Variants in ASIC2 observed in about 807,000 individuals in gnomAD.
ASIC2 encodes the protein acid-sensing ion channel 2.
Under a neutral mutation model 57.3 loss-of-function variants are expected in ASIC2, and 25 were observed. That is an observed-to-expected ratio of 0.44 (90% CI 0.32 to 0.61). The LOEUF is 0.61. ASIC2 is among the 20% of genes least tolerant of loss of function. The pLI, the probability that ASIC2 is intolerant of heterozygous loss-of-function variation, is 0.06. For synonymous variants in ASIC2, 319 were observed against 307.5 expected (o/e 1.04, Z -0.39); for missense variants, 641 against 738.1 (o/e 0.87, Z 1.52).
At chr17:33,579,397 TCTG>T (rs924852534) in intron 1 of ASIC2, among the ~76,000 whole-genome samples, 22 of 151,990 alleles carry the variant, frequency 1.4e-4, no homozygotes, top group African/African-American at 5.3e-4. Flanking sequence ...GCCTCATTAT[TCTG>T]GAGGGGAAGG....
chr17:33,925,649 C>T (rs1244898312), intron 1 of ASIC2, among the ~76,000 whole-genome samples: 4 of 152,238 alleles, frequency 2.6e-5, no homozygotes, highest in African/African-American at 9.7e-5. Flanking sequence ...ACCACGTTCC[C>T]CTCATGGCTG....
chr17:33,648,976 A>G (rs1353553166), intron 1 of ASIC2, among the ~76,000 whole-genome samples: 1 of 152,210 alleles, frequency 6.6e-6, no homozygotes, highest in Non-Finnish European at 1.5e-5. Context: ...ATGCTGAAAG[A>G]CCGAATACCT....
chr17:33,564,973 C>CTA (rs1429905369), intron 1 of ASIC2, among the ~76,000 whole-genome samples: 1 of 152,186 alleles, frequency 6.6e-6, no homozygotes, highest in Non-Finnish European at 1.5e-5. Context: ...AATTTAACAT[C>CTA]TATAGAAACA....
At chr17:34,131,764 G>A (rs927810871) in intron 1 of ASIC2, among the ~76,000 whole-genome samples, 4 of 152,212 alleles carry the variant, frequency 2.6e-5, no homozygotes, top group South Asian at 2.1e-4. Context: ...AGGGTCTGCT[G>A]GGCAGGGGCC....
intron 1 of ASIC2, among the ~76,000 whole-genome samples, chr17:34,146,280 G>T (rs1056671907): frequency 2.0e-5 from 3 of 152,190 alleles, no homozygotes; most frequent in Non-Finnish European, 4.4e-5. Flanking sequence ...TTTGAAAAAG[G>T]TATTTTTTTC....
intron 1 of ASIC2, among the ~76,000 whole-genome samples, chr17:33,758,786 G>A (rs568773120): frequency 2.0e-5 from 3 of 152,132 alleles, no homozygotes; most frequent in African/African-American, 4.8e-5. Flanking sequence ...ACAAGAAGAA[G>A]GCTCCCACCA....
chr17:33,803,186 ACATCTCTGACCACTAT>A (rs1912178374), intron 1 of ASIC2, among the ~76,000 whole-genome samples: 1 of 152,246 alleles, frequency 6.6e-6, no homozygotes, highest in African/African-American at 2.4e-5. Context: ...CAAGCACTCT[ACATCTCTGACCACTAT>A]TGTTAGGTGA....
chr17:34,020,582 T>C (rs994502368), intron 1 of ASIC2, among the ~76,000 whole-genome samples: 7 of 152,174 alleles, frequency 4.6e-5, no homozygotes, highest in Non-Finnish European at 8.8e-5. Flanking sequence ...AGGAACTCAA[T>C]GTACTGTTGT....
chr17:33,229,197 G>A (rs1907997478), intron 1 of ASIC2, among the ~76,000 whole-genome samples: 1 of 152,134 alleles, frequency 6.6e-6, no homozygotes, highest in African/African-American at 2.4e-5. Flanking sequence ...AGATGGAGGA[G>A]GGGATAGGAA....
intron 1 of ASIC2, among the ~76,000 whole-genome samples, chr17:33,471,042 C>T (rs1313272948): frequency 6.6e-6 from 1 of 152,196 alleles, no homozygotes; most frequent in Non-Finnish European, 1.5e-5. Flanking sequence ...ACGGTTTGGT[C>T]ACACCAGGCC....
rs148012126 is a variant in ASIC2 at position 33,581,126 on chromosome 17, G to A, written c.556-469059C>T. ...AAGATTAGCCTGGATTATCTGGGTG[G>A]GCTCAATGTAATCCCATGTGTTCTT... On this transcript the variant is annotated intron_variant, in intron 1 of 9. Coordinates refer to the ASIC2 transcript ENST00000359872. 1.3e-4 allele frequency: 20 copies of A among 152,306 alleles called. No individual in the cohort carries two copies. In the East Asian group the frequency reaches 3.9e-3, roughly 29 times the overall value. The allele number at this position is 152,306 out of a possible 1,614,324, so 9.4% of individuals were successfully genotyped here.
At chr17:33,365,672 T>C (rs1908780810) in intron 1 of ASIC2, among the ~76,000 whole-genome samples, 1 of 152,114 alleles carries the variant, frequency 6.6e-6, no homozygotes, top group South Asian at 2.1e-4. Context: ...TGTCACTTCT[T>C]CTTCCTGGCC....
Position 33,497,917 on chromosome 17 carries a change from C to T in ASIC2, c.556-385850G>A, listed in dbSNP as rs144764961. Reference sequence around the variant, plus strand: ...CCCCACAAGCTCTGAATTAAAGGAACGTGGTAAGTGATCCTACTGGAATAA... The same window carrying T: ...CCCCACAAGCTCTGAATTAAAGGAATGTGGTAAGTGATCCTACTGGAATAA... On this transcript the variant is annotated intron_variant, in intron 1 of 9. Coordinates refer to the ASIC2 transcript ENST00000359872. Among the ~76,000 whole-genome samples the T allele has an allele frequency of 4.0e-4, 61 of 152,254 alleles. No individual in the cohort carries two copies. The South Asian group carries it at 8.9e-3, about 22-fold the overall frequency.
At chr17:34,101,470 C>A (rs1910862555) in intron 1 of ASIC2, among the ~76,000 whole-genome samples, 1 of 152,206 alleles carries the variant, frequency 6.6e-6, no homozygotes, top group Non-Finnish European at 1.5e-5. Flanking sequence ...CTCTCAACGT[C>A]AAGTGAGTAC....
intron 1 of ASIC2, among the ~76,000 whole-genome samples, chr17:34,034,351 A>G (rs1342949727): frequency 1.3e-5 from 2 of 152,180 alleles, no homozygotes; most frequent in Non-Finnish European, 2.9e-5. Flanking sequence ...AGGTATTGAT[A>G]GGACGTATCT....
At chr17:33,727,276 GA>G (rs1458966473) in intron 1 of ASIC2, among the ~76,000 whole-genome samples, 2 of 152,226 alleles carry the variant, frequency 1.3e-5, no homozygotes, top group African/African-American at 4.8e-5. Flanking sequence ...CAGCCTTGAA[GA>G]TGGCAACACA....
intron 1 of ASIC2, among the ~76,000 whole-genome samples, chr17:33,564,101 G>A (rs908978065): frequency 7.2e-5 from 11 of 152,268 alleles, no homozygotes; most frequent in African/African-American, 2.4e-4. Flanking sequence ...AGGAGGTGAG[G>A]CTGAGCTGAT....
chr17:33,804,209 T>C (rs991058129), intron 1 of ASIC2, among the ~76,000 whole-genome samples: 1 of 152,188 alleles, frequency 6.6e-6, no homozygotes, highest in Non-Finnish European at 1.5e-5. Flanking sequence ...ACATTAGGAA[T>C]ATATTTACCC....
intron 1 of ASIC2, among the ~76,000 whole-genome samples, chr17:33,372,775 T>A (rs1368695460): frequency 6.6e-6 from 1 of 152,164 alleles, no homozygotes; most frequent in East Asian, 1.9e-4. Context: ...ACAGCTGTGA[T>A]GGGGCTTCCA....
Sources: gnomAD v4.1 joint callset for allele counts (sites outside exome capture counted in the v4.1 genomes callset) on GRCh38, gnomAD v4.1.1 for gene constraint, MANE v1.5 for transcripts, NCBI Gene and HGNC (gene_info 2026-07-23, HGNC 2026-07-21) for gene names.